Variants in NEGR1 observed in about 807,000 individuals in gnomAD.
NEGR1 encodes neuronal growth regulator 1.
Under a neutral mutation model 40.9 loss-of-function variants are expected in NEGR1, and 10 were observed. That is an observed-to-expected ratio of 0.24 (90% confidence interval 0.15 to 0.42). NEGR1 has a LOEUF of 0.42. Ranked by LOEUF, NEGR1 falls within the 10% of genes least tolerant of loss-of-function variation. The pLI, the probability that NEGR1 is intolerant of heterozygous loss-of-function variation, is 1.00. For missense variants in NEGR1, 352 were observed against 438.9 expected (o/e 0.80, Z 1.77); for synonymous variants, 185 against 166.8 (o/e 1.11, Z -0.84).
At chr1:71,865,858 T>G (rs1660096387) in intron 2 of NEGR1, among the ~76,000 whole-genome samples, 1 of 152,174 alleles carries the variant, frequency 6.6e-6, no homozygotes, top group African/African-American at 2.4e-5. Context: ...GAACTATCCT[T>G]GCTAATAAAA....
At chr1:71,475,311 A>G (rs1646812470) in intron 6 of NEGR1, among the ~76,000 whole-genome samples, 1 of 151,988 alleles carries the variant, frequency 6.6e-6, no homozygotes. Flanking sequence ...TGTGATTTAA[A>G]CCCCATTGAA....
At chr1:72,098,220 A>T (rs1317985930) in intron 1 of NEGR1, among the ~76,000 whole-genome samples, 1 of 152,150 alleles carries the variant, frequency 6.6e-6, no homozygotes, top group Non-Finnish European at 1.5e-5. Flanking sequence ...AACTGTATAG[A>T]CCTGGACTGA....
At chr1:71,728,428 C>T (rs910165527) in intron 3 of NEGR1, among the ~76,000 whole-genome samples, 16 of 152,070 alleles carry the variant, frequency 1.1e-4, no homozygotes, top group South Asian at 4.2e-4. Context: ...TTCCTAGTGA[C>T]TCCCATCTCA....
At chr1:72,045,096 G>C (rs1646989243) in intron 1 of NEGR1, among the ~76,000 whole-genome samples, 1 of 151,570 alleles carries the variant, frequency 6.6e-6, no homozygotes, top group African/African-American at 2.4e-5. Flanking sequence ...ATATAATTTT[G>C]ACCTCACCCA....
chr1:72,279,383 C>T (rs909395089), intron 1 of NEGR1, among the ~76,000 whole-genome samples: 3 of 152,124 alleles, frequency 2.0e-5, no homozygotes, highest in South Asian at 2.1e-4. Flanking sequence ...GGCATGTTTG[C>T]ACTTTATGGC....
chr1:72,134,307 G>A (rs926411501), intron 1 of NEGR1, among the ~76,000 whole-genome samples: 1 of 150,238 alleles, frequency 6.7e-6, no homozygotes, highest in African/African-American at 2.5e-5. Flanking sequence ...CCGGGTTCAC[G>A]CCATTCTCCT....
intron 3 of NEGR1, among the ~76,000 whole-genome samples, chr1:71,743,673 G>T (rs1655286884): frequency 6.6e-6 from 1 of 152,094 alleles, no homozygotes; most frequent in African/African-American, 2.4e-5. Flanking sequence ...TCTCCAAAGG[G>T]TCAAATCTTT....
intron 1 of NEGR1, among the ~76,000 whole-genome samples, chr1:72,134,087 T>C (rs576366294): frequency 1.8e-4 from 27 of 152,170 alleles, no homozygotes; most frequent in Admixed American, 3.3e-4. Context: ...ATTTAAATGC[T>C]TGTTAATTCA....
intron 1 of NEGR1, among the ~76,000 whole-genome samples, chr1:72,035,075 G>A (rs1361650687): frequency 6.6e-6 from 1 of 152,062 alleles, no homozygotes; most frequent in African/African-American, 2.4e-5. Context: ...AAAGACTAGG[G>A]TGGGAGGGCC....
At chr1:71,798,784 G>A (rs1657435098) in intron 2 of NEGR1, among the ~76,000 whole-genome samples, 1 of 152,088 alleles carries the variant, frequency 6.6e-6, no homozygotes, top group South Asian at 2.1e-4. Context: ...CATATTTCGT[G>A]GAGAAACCTT....
At chr1:71,654,086 AGTCT>A (rs1429110826) in intron 4 of NEGR1, among the ~76,000 whole-genome samples, 1 of 152,184 alleles carries the variant, frequency 6.6e-6, no homozygotes, top group African/African-American at 2.4e-5. Context: ...GAAAGAAGCC[AGTCT>A]GTAAAGGCTA....
intron 1 of NEGR1, among the ~76,000 whole-genome samples, chr1:72,102,237 G>A (rs1648975121): frequency 6.6e-6 from 1 of 151,976 alleles, no homozygotes; most frequent in African/African-American, 2.4e-5. Context: ...AGTATATGTT[G>A]CATGATAAAT....
intron 1 of NEGR1, among the ~76,000 whole-genome samples, chr1:71,953,662 C>G (rs756752268): frequency 6.6e-6 from 1 of 151,892 alleles, no homozygotes; most frequent in African/African-American, 2.4e-5. Context: ...ATGTAGCCAA[C>G]TTCATTGTTG....
intron 1 of NEGR1, among the ~76,000 whole-genome samples, chr1:72,030,021 A>G (rs945461578): frequency 2.5e-4 from 13 of 52,356 alleles, no homozygotes; most frequent in Non-Finnish European, 4.9e-4. Flanking sequence ...GTTTAAAAGG[A>G]GTGAAATATG....
chr1:72,182,672 G>A (rs1002165190), intron 1 of NEGR1, among the ~76,000 whole-genome samples: 33 of 151,474 alleles, frequency 2.2e-4, no homozygotes, highest in African/African-American at 7.5e-4. Context: ...TAAATTGAAA[G>A]ACATTTTGAA....
chr1:71,521,250 C>A (rs750743650), intron 6 of NEGR1, among the ~76,000 whole-genome samples: 3 of 151,928 alleles, frequency 2.0e-5, no homozygotes, highest in Admixed American at 1.3e-4. Flanking sequence ...TATAAGGATA[C>A]CAGAGCAATT....
At chr1:72,148,141 T>C (rs1650979480) in intron 1 of NEGR1, among the ~76,000 whole-genome samples, 2 of 152,160 alleles carry the variant, frequency 1.3e-5, no homozygotes, top group South Asian at 4.1e-4. Context: ...ATTTCCCTTC[T>C]GCACTGTCCT....
chr1:71,456,082 T>C (rs1321205868), intron 6 of NEGR1, among the ~76,000 whole-genome samples: 3 of 152,148 alleles, frequency 2.0e-5, no homozygotes, highest in Non-Finnish European at 2.9e-5. Context: ...TTTCAAACTA[T>C]AGTTAAATTA....
At position 72,219,230 on chromosome 1, in the gene NEGR1, A is replaced by G. The variant is rs911711333; in HGVS notation, c.176+63089T>C. Among the ~76,000 whole-genome samples the G allele has an allele frequency of 2.6e-5, 4 of 152,224 alleles. No individual in the cohort carries two copies. In the Middle Eastern group the frequency reaches 0.01, roughly 388 times the overall value. Reference sequence around the variant, plus strand: ...CTGGCTATAAAATCATAACCAAAAAATCATCTCAAAGCAAATAAAATATAT... The same window carrying G: ...CTGGCTATAAAATCATAACCAAAAAGTCATCTCAAAGCAAATAAAATATAT... On this transcript the variant is annotated intron_variant, in intron 1 of 6. Coordinates refer to ENST00000357731, the MANE Select transcript of NEGR1 (RefSeq NM_173808.3).
Sources: gnomAD v4.1 joint callset for allele counts (sites outside exome capture counted in the v4.1 genomes callset) on GRCh38, gnomAD v4.1.1 for gene constraint, MANE v1.5 for transcripts, NCBI Gene and HGNC (gene_info 2026-07-23, HGNC 2026-07-21) for gene names.